RNF20: variants seen among roughly 807,000 people sequenced by gnomAD.
RNF20 encodes ring finger protein 20, also known as E3 ubiquitin-protein ligase BRE1A.
In RNF20, 84 loss-of-function variants were observed where a neutral mutation model predicts 126.2. The observed-to-expected ratio is 0.67, with a 90% CI of 0.56 to 0.80. The LOEUF is 0.80. RNF20 is among the 30% of genes least tolerant of loss of function. RNF20 has a pLI of 0.00. For synonymous variants in RNF20, 400 were observed against 414.3 expected, an observed-to-expected ratio of 0.97 and a Z score of 0.42; for missense variants, 869 against 1,188.2, an observed-to-expected ratio of 0.73 and a Z score of 3.95.
intron 9 of RNF20, 86 bp downstream of exon 9, chr9:101,547,604 A>G (rs1194189899): frequency 1.3e-5 from 19 of 1,460,040 alleles, no homozygotes; most frequent in Non-Finnish European, 1.8e-5. Context: ...CTGCGTATTC[A>G]TGAGGGATAA....
chr9:101,534,394 C>G (rs1232464156), intron 1 of RNF20: 1 of 152,100 alleles, frequency 6.6e-6, no homozygotes, highest in Non-Finnish European at 1.5e-5. Context: ...GCAACACGGC[C>G]TCTAACAGGC....
At chr9:101,554,648 ATGTGTTATAACT>A in intron 14 of RNF20, 34 bp from the exon 15 acceptor site, 4 of 1,555,822 alleles carry the variant, frequency 2.6e-6, no homozygotes, top group Non-Finnish European at 3.5e-6. Flanking sequence ...ATTTTTGAAA[ATGTGTTATAACT>A]TTTTATTTTT....
chr9:101,551,645 A>G (rs1405312953), intron 10 of RNF20, 39 bp from the exon 11 acceptor site: 18 of 1,018,418 alleles, frequency 1.8e-5, no homozygotes, highest in African/African-American at 2.1e-5. Context: ...TCTACATTTT[A>G]ATAAGAATTT....
At chr9:101,537,922 G>C (rs1827207486) in intron 2 of RNF20, among the ~76,000 whole-genome samples, 1 of 151,888 alleles carries the variant, frequency 6.6e-6, no homozygotes, top group Admixed American at 6.6e-5. Context: ...TGAGGGGAGA[G>C]GAATTAGGAA....
chr9:101,536,374 G>T (rs1827185068), intron 2 of RNF20, among the ~76,000 whole-genome samples: 2 of 152,050 alleles, frequency 1.3e-5, no homozygotes, highest in Admixed American at 6.5e-5. Flanking sequence ...TGTATGGCTT[G>T]CAAAACCACA....
At chr9:101,544,119 T>A (rs1349460634) in intron 5 of RNF20, among the ~76,000 whole-genome samples, 4 of 152,234 alleles carry the variant, frequency 2.6e-5, no homozygotes, top group Non-Finnish European at 5.9e-5. Flanking sequence ...AGCTATAGTA[T>A]TTGCAACTCT....
chr9:101,549,295 A>T (rs1588221132), intron 9 of RNF20, among the ~76,000 whole-genome samples: 1 of 152,302 alleles, frequency 6.6e-6, no homozygotes, highest in East Asian at 1.9e-4. Flanking sequence ...TCCACTGGAC[A>T]GGGGGCCCTT....
At chr9:101,560,984 G>T in intron 17 of RNF20, 58 bp downstream of exon 17, 1 of 1,599,396 alleles carries the variant, frequency 6.3e-7, no homozygotes, top group Non-Finnish European at 8.5e-7. Context: ...GTATAACACT[G>T]TTGAGATTGT....
chr9:101,552,108 G>A (rs750287279), intron 11 of RNF20, 33 bp from the exon 12 acceptor site: 1 of 1,613,794 alleles, frequency 6.2e-7, no homozygotes, highest in South Asian at 1.1e-5. Flanking sequence ...CCTTACCACG[G>A]TTCCTCATAA....
In RNF20 at chr9:101,557,566, G is replaced by A. The variant is rs1339386104; in HGVS notation, c.2352G>A (p.Leu784=). ...TGCTTAAAGAAGAGAAGGAGGAGCT[G>A]GCAGACCAGGTGTTGACTCTGAAGA... is the stretch of plus-strand genomic sequence containing the variant. The part of the protein sequence containing the change: ...HKLLKEEKEE[L]ADQVLTLKTQ... Residue 784 remains leucine, a synonymous_variant, in exon 16 of 20, where the codon CTG becomes CTA. Transcript: ENST00000389120. 1.9e-6 allele frequency: 3 copies of A among 1,613,784 alleles called. No individual in the cohort carries two copies. The East Asian group carries it at 6.7e-5, about 36-fold the overall frequency.
In RNF20 at chr9:101,554,855, T is replaced by C. The variant is rs1174981944; in HGVS notation, c.2169+12T>C. On this transcript the variant is annotated intron_variant, in intron 15 of 19. Coordinates refer to ENST00000389120, the MANE Select transcript of RNF20 (RefSeq NM_019592.7). Reference sequence around the variant, plus strand: ...CCATGGCCAAGCAGGTGGACTCACTTTCTTTATTTAATTGACTTTTTGAGT... The same window carrying C: ...CCATGGCCAAGCAGGTGGACTCACTCTCTTTATTTAATTGACTTTTTGAGT... The C allele has an allele frequency of 7.2e-7, 1 of 1,395,334 alleles. No homozygotes were observed. Among genetic ancestry groups the C allele is most frequent in the Non-Finnish European group, 9.4e-7 (1 of 1,063,158 alleles). The allele number at this position is 1,395,334 out of a possible 1,614,324, so 86.4% of individuals were successfully genotyped here.
rs1827467797 is a variant in RNF20, at chr9:101,552,641, C to CT, written c.1790dup (p.Glu599ArgfsTer10). ...GGAGAGAGAACGAGAGAAGCAGAAG[C>CT]TAAAAGAGTCAGAAAAAGAGAGAGA... On this transcript the variant is annotated frameshift_variant, in exon 13 of 20. Coordinates refer to ENST00000389120, the MANE Select transcript of RNF20 (RefSeq NM_019592.7). LOFTEE classifies it high-confidence loss of function. 1 of 1,520,408 alleles carries CT rather than the reference C, an allele frequency of 6.6e-7. No homozygotes were observed. The highest frequency in any genetic ancestry group is 1.1e-5 in the South Asian group (1 of 89,170). The allele number at this position is 1,520,408 out of a possible 1,614,324, so 94.2% of individuals were successfully genotyped here.
intron 18 of RNF20, chr9:101,561,576 G>A (rs575132986): frequency 1.0e-4 from 39 of 391,808 alleles, no homozygotes; most frequent in Non-Finnish European, 1.4e-4. Context: ...GTCTTTATCC[G>A]TAAGTCTCTG....
intron 2 of RNF20, among the ~76,000 whole-genome samples, chr9:101,537,111 G>A (rs1827197163): frequency 6.6e-6 from 1 of 152,172 alleles, no homozygotes; most frequent in Non-Finnish European, 1.5e-5. Flanking sequence ...GCTTGAAGTG[G>A]GAACAATGGC....
chr9:101,557,362 A>C (rs753526531), intron 15 of RNF20, 22 bp from the exon 16 acceptor site: 13 of 1,576,038 alleles, frequency 8.2e-6, no homozygotes, highest in African/African-American at 4.0e-5. Flanking sequence ...TCTAAAATCA[A>C]ATCTCTTCCT....
chr9:101,547,428 G>A lies in RNF20; in HGVS notation c.1002G>A (p.Glu334=). 6.2e-7 allele frequency: 1 copy of A among 1,614,112 alleles called. No homozygotes were observed. Among genetic ancestry groups the A allele is most frequent in the Non-Finnish European group, 8.5e-7 (1 of 1,179,990 alleles). Residue 334 remains glutamate (E), a synonymous_variant, in exon 9 of 20, where the codon GAG becomes GAA. Coordinates refer to ENST00000389120, the MANE Select transcript of RNF20 (RefSeq NM_019592.7). ...KFEEMNAELE[E]NKELAQNRLC... Reference sequence around the variant, plus strand: ...AGGAAATGAATGCAGAGCTTGAGGAGAACAAAGAGTTGGCTCAGAACCGTC... The same window carrying A: ...AGGAAATGAATGCAGAGCTTGAGGAAAACAAAGAGTTGGCTCAGAACCGTC...
intron 5 of RNF20, among the ~76,000 whole-genome samples, chr9:101,543,785 T>C (rs1341250317): frequency 2.2e-4 from 34 of 152,266 alleles, no homozygotes; most frequent in Non-Finnish European, 2.9e-5. Context: ...CTCTACTTCT[T>C]AACTCAGGTT....
chr9:101,561,318 G>A, intron 18 of RNF20, 88 bp downstream of exon 18: 1 of 1,348,422 alleles, frequency 7.4e-7, no homozygotes, highest in Non-Finnish European at 1.0e-6. Flanking sequence ...TTAGTCCAAT[G>A]TATGTCATTT....
intron 15 of RNF20, among the ~76,000 whole-genome samples, chr9:101,556,828 A>G (rs1056172473): frequency 1.3e-5 from 2 of 152,188 alleles, no homozygotes; most frequent in Non-Finnish European, 2.9e-5. Flanking sequence ...CAAAATAGGG[A>G]AAAAAACTCA....
Sources: allele counts gnomAD v4.1 joint callset (sites outside exome capture counted in the v4.1 genomes callset), GRCh38; gene constraint gnomAD v4.1.1; transcripts MANE v1.5; gene names NCBI Gene and HGNC (gene_info 2026-07-23, HGNC 2026-07-21).